CEP192: variants seen among roughly 807,000 people sequenced by gnomAD.
The protein encoded by CEP192 is centrosomal protein 192.
In CEP192, 151 loss-of-function variants were observed where a neutral mutation model predicts 271.8. The ratio of observed to expected loss-of-function variants is 0.56; its 90% CI spans 0.49 to 0.64. The LOEUF is 0.64. Among genes scored for constraint, CEP192 ranks in the 30% least tolerant of loss-of-function variants. The pLI is 0.00. For synonymous variants in CEP192, 995 were observed against 1,076.5 expected, an observed-to-expected ratio of 0.92 and a Z score of 1.48; for missense variants, 2,910 against 3,020.5, an observed-to-expected ratio of 0.96 and a Z score of 0.86.
chr18:12,998,988 ATTTTTGCTGGTTGTACTT>A (rs1158269253), intron 1 of CEP192, among the ~76,000 whole-genome samples: 1 of 152,146 alleles, frequency 6.6e-6, no homozygotes, highest in Non-Finnish European at 1.5e-5. Context: ...TCCGGGCTAG[ATTTTTGCTGGTTGTACTT>A]TTTCTGTTCC....
In CEP192 at chr18:13,087,182, GT is replaced by G. The variant is rs1252416679; in HGVS notation, c.5783del (p.Val1928GlufsTer17). 6.2e-7 allele frequency: 1 copy of G among 1,614,062 alleles called. No individual in the cohort carries two copies. The highest frequency in any genetic ancestry group is 2.2e-5 in the East Asian group (1 of 44,868). On this transcript the variant is annotated frameshift_variant, in exon 31 of 45. Transcript: ENST00000506447. LOFTEE classifies it high-confidence loss of function. ...TGSRAAFVKAVGFKDSQKKVL... is the reference protein window; with the variant it reads ...TGSRAAFVKAXGFKDSQKKVL... ...CTCCCGAGCAGCTTTTGTTAAAGCA[GT>G]AGGTTTTAAGGATTCTCAGAAAAAA...
At chr18:13,120,627 T>G (rs759168419) in intron 44 of CEP192, among the ~76,000 whole-genome samples, 5 of 152,214 alleles carry the variant, frequency 3.3e-5, no homozygotes, top group Non-Finnish European at 7.3e-5. Context: ...TTTTAAAACT[T>G]TAATGCTTTG....
intron 34 of CEP192, 45 bp downstream of exon 34, chr18:13,092,572 T>A: frequency 7.0e-7 from 1 of 1,421,402 alleles, no homozygotes; most frequent in Non-Finnish European, 9.7e-7. Context: ...TCAGGATGAT[T>A]CGATTCATAG....
rs144431289 is a variant in CEP192 at position 13,049,119 on chromosome 18, C to T, written c.2328C>T (p.Ser776=). The change falls in exon 16 of 45, where the codon TCC becomes TCT. Residue 776 remains serine, a synonymous_variant. Coordinates refer to ENST00000506447, the MANE Select transcript of CEP192 (RefSeq NM_032142.4). ...ATGATTTAGAAAAAAGTAATGGATC[C>T]AATGCACTTGATATGGAGAAATACC... The part of the protein sequence containing the change: ...LPNDLEKSNG[S]NALDMEKYLK... The T allele has an allele frequency of 2.5e-6, 4 of 1,613,758 alleles. No homozygotes were observed. The highest frequency in any genetic ancestry group is 3.4e-6 in the Non-Finnish European group (4 of 1,179,916).
intron 18 of CEP192, among the ~76,000 whole-genome samples, chr18:13,053,679 T>A (rs1385251795): frequency 6.6e-6 from 1 of 151,968 alleles, no homozygotes; most frequent in Admixed American, 6.6e-5. Context: ...TCATGATCTG[T>A]TTTGATTTTG....
At chr18:13,019,434 G>C (rs186509602) in intron 9 of CEP192, among the ~76,000 whole-genome samples, 4 of 152,222 alleles carry the variant, frequency 2.6e-5, no homozygotes, top group Admixed American at 2.6e-4. Context: ...TAGTCATTTG[G>C]AAAGTTCTTT....
At position 13,117,569 on chromosome 18, in the gene CEP192, T is replaced by C; in HGVS notation, c.7417-16T>C. 1.3e-6 allele frequency: 2 copies of C among 1,572,196 alleles called. No homozygotes were observed. The highest frequency in any genetic ancestry group is 1.1e-5 in the South Asian group (1 of 90,138). ...AATTTTCATAACTTTATAAAGTGTC[T>C]TCTATTAAATTCCAGCTGAAGTTTT... On this transcript the variant is annotated splice_polypyrimidine_tract_variant and intron_variant, in intron 43 of 44. Transcript: ENST00000506447.
Position 13,029,960 on chromosome 18 carries a change from CGA to C in CEP192, c.1349_1350del (p.Arg450HisfsTer3). 1 of 1,550,946 alleles carries C rather than the reference CGA, an allele frequency of 6.4e-7. No homozygotes were observed. Among genetic ancestry groups the C allele is most frequent in the Non-Finnish European group, 8.7e-7 (1 of 1,146,492 alleles). ...DAIWSPTCERRTCECHESIEK... is the reference protein window; with the variant it reads ...DAIWSPTCERXTCECHESIEK... Reference sequence around the variant, plus strand: ...CATTTGGTCACCAACTTGTGAAAGGCGAACATGTGAATGTCACGAGTCCATCG... The same window carrying C: ...CATTTGGTCACCAACTTGTGAAAGGCACATGTGAATGTCACGAGTCCATCG... On this transcript the variant is annotated frameshift_variant, in exon 10 of 45. Coordinates refer to ENST00000506447, the MANE Select transcript of CEP192 (RefSeq NM_032142.4). LOFTEE classifies it high-confidence loss of function.
In CEP192 at chr18:13,056,528, G is replaced by C. The variant is rs1256435256; in HGVS notation, c.3938G>C (p.Cys1313Ser). 1 of 1,614,204 alleles carries C rather than the reference G, an allele frequency of 6.2e-7. No homozygotes were observed. The highest frequency in any genetic ancestry group is 1.7e-5 in the Admixed American group (1 of 60,034). ...PVQNSVAVGI[C>S]LGSNIGSGWM... is the part of the protein sequence containing the mutation. ...CAGAACTCTGTGGCTGTGGGAATTT[G>C]TCTAGGATCAAATATCGGCTCTGGA... is the stretch of plus-strand genomic sequence containing the variant. Residue 1313 changes from cysteine (C) to serine (S), a missense_variant, in exon 19 of 45, where the codon TGT becomes TCT. Physicochemically the swap from Cys to Ser is moderately radical, Grantham distance 112. Transcript: ENST00000506447.
rs114780039 is a variant in CEP192 at position 13,030,955 on chromosome 18, C to G, written c.1534+347C>G. Among the ~76,000 whole-genome samples the G allele has an allele frequency of 3.5e-3, 526 of 151,702 alleles. 3 individuals are homozygous for G. The highest frequency in any genetic ancestry group is 0.012 in the African/African-American group (501 of 41,344). Reference sequence around the variant, plus strand: ...AAATGTCCTGATAAATCAGCAGTTACAAAAACCAGTCCATGAAAGGTAGAA... The same window carrying G: ...AAATGTCCTGATAAATCAGCAGTTAGAAAAACCAGTCCATGAAAGGTAGAA... On this transcript the variant is annotated intron_variant, in intron 11 of 44. Transcript: ENST00000506447.
In CEP192 at chr18:13,067,876, T is replaced by G; in HGVS notation, c.4534T>G (p.Tyr1512Asp). The change falls in exon 22 of 45, where the codon TAT (tyrosine) becomes GAT (aspartate). Residue 1512 changes from tyrosine (Y) to aspartate (D), a missense_variant. Transcript: ENST00000506447. ...CGTTCTTGATTTTGGTGACTTGACTTATGGAGGCTGGAAAGCCCTCCCACT... is the reference window on the plus strand; with the variant it reads ...CGTTCTTGATTTTGGTGACTTGACTGATGGAGGCTGGAAAGCCCTCCCACT... ...KDVLDFGDLTYGGWKALPLKL... is the reference protein window; with the variant it reads ...KDVLDFGDLTDGGWKALPLKL... 6.2e-7 allele frequency: 1 copy of G among 1,612,960 alleles called. No individual in the cohort carries two copies. The highest frequency in any genetic ancestry group is 8.5e-7 in the Non-Finnish European group (1 of 1,178,934).
chr18:13,070,811 C>G (rs2037972090), intron 27 of CEP192, among the ~76,000 whole-genome samples: 1 of 152,210 alleles, frequency 6.6e-6, no homozygotes, highest in Non-Finnish European at 1.5e-5. Context: ...CCAAATGTCT[C>G]ATAAATAGCA....
rs1195529847 is a variant in CEP192, at chr18:13,124,838, A to G, written c.*68A>G. On this transcript the variant is annotated 3_prime_UTR_variant, in exon 45 of 45. Coordinates refer to ENST00000506447, the MANE Select transcript of CEP192 (RefSeq NM_032142.4). ...TTTGTTAACTTTATCTTTCTACACT[A>G]CAATTATGCTTTTGTATATATATTT... 1.3e-5 allele frequency: 16 copies of G among 1,229,230 alleles called. No individual in the cohort carries two copies. Among genetic ancestry groups the G allele is most frequent in the South Asian group, 2.8e-5 (2 of 71,728 alleles). The allele number at this position is 1,229,230 out of a possible 1,614,324, so 76.1% of individuals were successfully genotyped here.
rs2038937389 is a variant in CEP192, at chr18:13,087,221, C to T, written c.5821C>T (p.Pro1941Ser). The T allele has an allele frequency of 1.4e-5, 23 of 1,612,952 alleles. No homozygotes were observed. Among genetic ancestry groups the T allele is most frequent in the Non-Finnish European group, 1.7e-5 (20 of 1,179,130 alleles). The change falls in exon 31 of 45, where the codon CCT (proline) becomes TCT (serine). Residue 1941 changes from proline (P) to serine (S), a missense_variant. Coordinates refer to ENST00000506447, the MANE Select transcript of CEP192 (RefSeq NM_032142.4). ...KDSQKKVLLD[P>S]KVLRIFPDKF... Reference sequence around the variant, plus strand: ...TTCTCAGAAAAAAGTTTTGCTGGATCCTAAAGTATTGAGGATTTTTCCAGA... The same window carrying T: ...TTCTCAGAAAAAAGTTTTGCTGGATTCTAAAGTATTGAGGATTTTTCCAGA...
chr18:13,087,582 G>A lies in CEP192; in HGVS notation c.5929G>A (p.Ala1977Thr). 1 of 1,585,100 alleles carries A rather than the reference G, an allele frequency of 6.3e-7. No homozygotes were observed. The highest frequency in any genetic ancestry group is 1.8e-5 in the Admixed American group (1 of 55,032). Residue 1977 changes from alanine to threonine, a missense_variant, in exon 32 of 45, where the codon GCA (alanine) becomes ACA (threonine). Ala to Thr is a moderately conservative substitution (Grantham distance 58). Transcript: ENST00000506447. ...AGACAGAGGAATCAATAATAAAACTGCAACAGAACTATCAACTGTATACTT... is the reference window on the plus strand; with the variant it reads ...AGACAGAGGAATCAATAATAAAACTACAACAGAACTATCAACTGTATACTT... The part of the protein sequence containing the change: ...PSDRGINNKT[A>T]TELSTVYLFG...
chr18:13,039,827 A>C (rs1465898233), intron 13 of CEP192, among the ~76,000 whole-genome samples: 73 of 152,206 alleles, frequency 4.8e-4, no homozygotes. Context: ...AAGACAGAAG[A>C]GGGAAAGAAG....
rs148438543 is a variant in CEP192 at position 13,049,151 on chromosome 18, A to C, written c.2360A>C (p.Lys787Thr). 5 of 1,613,958 alleles carry C rather than the reference A, an allele frequency of 3.1e-6. No homozygotes were observed. The South Asian group carries it at 4.4e-5, about 14-fold the overall frequency. The change falls in exon 16 of 45, where the codon AAA becomes ACA. Residue 787 changes from lysine to threonine, a missense_variant. Transcript: ENST00000506447. ...NALDMEKYLKKTEVSRYESAL... is the reference protein window; with the variant it reads ...NALDMEKYLKTTEVSRYESAL... ...CTTGATATGGAGAAATACCTTAAAA[A>C]AACAGAAGTTAGTAGATATGAAAGT...
At chr18:13,109,990 A>G (rs546492807) in intron 40 of CEP192, among the ~76,000 whole-genome samples, 25 of 152,300 alleles carry the variant, frequency 1.6e-4, no homozygotes, top group African/African-American at 6.0e-4. Flanking sequence ...CCCCTCGAAT[A>G]TGTTTTCCAA....
intron 34 of CEP192, among the ~76,000 whole-genome samples, chr18:13,094,169 A>G (rs1163750996): frequency 6.6e-6 from 1 of 152,150 alleles, no homozygotes; most frequent in African/African-American, 2.4e-5. Flanking sequence ...TATTTTCATC[A>G]CTTAGTTAAA....
Sources: gnomAD v4.1 joint callset for allele counts (sites outside exome capture counted in the v4.1 genomes callset) on GRCh38, gnomAD v4.1.1 for gene constraint, MANE v1.5 for transcripts, NCBI Gene and HGNC (gene_info 2026-07-23, HGNC 2026-07-21) for gene names.